The following FRY variants were observed in gnomAD, a reference collection of about 807,000 sequenced individuals.
FRY encodes protein furry homolog.
A neutral mutation model predicts 348.4 loss-of-function variants in FRY; 128 were observed. That is an observed-to-expected ratio of 0.37 (90% confidence interval 0.32 to 0.43). FRY has a LOEUF of 0.43. FRY is among the 20% of genes least tolerant of loss of function. The pLI, the probability that FRY is intolerant of heterozygous loss-of-function variation, is 1.00. For synonymous variants in FRY, 1,370 were observed against 1,374.7 expected (o/e 1.00, Z 0.08); for missense variants, 2,736 against 3,695.2 (o/e 0.74, Z 6.73).
intron 1 of FRY, among the ~76,000 whole-genome samples, chr13:32,071,179 T>C (rs1874632280): frequency 6.6e-6 from 1 of 152,234 alleles, no homozygotes; most frequent in African/African-American, 2.4e-5. Flanking sequence ...TGCTTAGGAT[T>C]GTCTCGGCTA....
chr13:32,241,599 T>G (rs1256804401), intron 46 of FRY, among the ~76,000 whole-genome samples: 3 of 152,216 alleles, frequency 2.0e-5, no homozygotes, highest in African/African-American at 7.2e-5. Flanking sequence ...CATAATAATG[T>G]GAATGTACTT....
chr13:32,197,600 A>G (rs1441307896), intron 29 of FRY, among the ~76,000 whole-genome samples: 5 of 152,218 alleles, frequency 3.3e-5, no homozygotes, highest in African/African-American at 4.8e-5. Flanking sequence ...GGCTGATGAT[A>G]GGGTTAGAGT....
intron 3 of FRY, among the ~76,000 whole-genome samples, chr13:32,112,797 A>G (rs1038993965): frequency 6.6e-6 from 1 of 152,236 alleles, no homozygotes; most frequent in African/African-American, 2.4e-5. Context: ...TCACACCTCT[A>G]TAACTGAGCT....
chr13:32,251,721 T>C (rs1887091801), intron 49 of FRY, among the ~76,000 whole-genome samples, 157 bp from the exon 50 acceptor site: 1 of 152,242 alleles, frequency 6.6e-6, no homozygotes, highest in African/African-American at 2.4e-5. Flanking sequence ...CAATTTTTAA[T>C]TGCTATTTGT....
At chr13:32,188,829 A>G (rs1883172139) in intron 28 of FRY, among the ~76,000 whole-genome samples, 1 of 152,114 alleles carries the variant, frequency 6.6e-6, no homozygotes, top group Non-Finnish European at 1.5e-5. Context: ...GAAAATTTTC[A>G]TTGAAAACTC....
intron 58 of FRY, among the ~76,000 whole-genome samples, chr13:32,285,137 T>A (rs1019997019): frequency 6.6e-5 from 10 of 152,052 alleles, no homozygotes; most frequent in African/African-American, 2.4e-4. Flanking sequence ...ACAAGGACAT[T>A]CCCACATGTT....
At chr13:32,294,331 C>T in intron 59 of FRY, 37 bp from the exon 60 acceptor site, 2 of 1,474,374 alleles carry the variant, frequency 1.4e-6, no homozygotes, top group Non-Finnish European at 1.9e-6. Flanking sequence ...TCCCCCAGCA[C>T]CTAAATATAG....
intron 14 of FRY, among the ~76,000 whole-genome samples, chr13:32,153,325 A>G (rs1374333237): frequency 6.6e-6 from 1 of 152,188 alleles, no homozygotes. Flanking sequence ...TGACTAAACA[A>G]ATTGTGAATC....
chr13:32,160,823 G>T (rs1415135237), intron 16 of FRY, among the ~76,000 whole-genome samples: 9 of 33,446 alleles, frequency 2.7e-4, no homozygotes, highest in Admixed American at 2.7e-3. Context: ...TCATGTGGAT[G>T]TACTTAGCCA....
chr13:32,244,004 G>A, intron 46 of FRY, 38 bp from the exon 47 acceptor site: 4 of 1,609,316 alleles, frequency 2.5e-6, no homozygotes, highest in African/African-American at 1.3e-5. Flanking sequence ...ACGGAGATCT[G>A]GTGTGTGACT....
intron 17 of FRY, among the ~76,000 whole-genome samples, chr13:32,165,066 G>A (rs533376000): frequency 1.2e-4 from 17 of 140,998 alleles, no homozygotes; most frequent in African/African-American, 3.3e-4. Flanking sequence ...TGTTAGGTAA[G>A]CTGGGCACAT....
intron 2 of FRY, among the ~76,000 whole-genome samples, chr13:32,091,857 G>A (rs997373269): frequency 1.3e-5 from 2 of 152,168 alleles, no homozygotes; most frequent in African/African-American, 2.4e-5. Flanking sequence ...AGTTAAGAAA[G>A]GGCCATAAGT....
chr13:32,210,876 T>C lies in FRY; in HGVS notation c.4433T>C (p.Val1478Ala). 1 of 1,613,884 alleles carries C rather than the reference T, an allele frequency of 6.2e-7. No homozygotes were observed. Among genetic ancestry groups the C allele is most frequent in the Non-Finnish European group, 8.5e-7 (1 of 1,179,780 alleles). Residue 1478 changes from valine to alanine, a missense_variant, in exon 34 of 61, where the codon GTG becomes GCG. Around this residue, in one of 9 missense-constraint regions of FRY, gnomAD observed 794 missense variants for 977.0 expected, o/e 0.81. Transcript: ENST00000542859. ...TTTTTTCCTTCTCAGATTAAAAAAG[T>C]GGCAATATACTTGTGCCGTAACAAC... ...DTVLLPYIKK[V>A]AIYLCRNNTI...
intron 56 of FRY, 144 bp downstream of exon 56, chr13:32,275,135 T>A (rs1025913119): frequency 4.3e-6 from 3 of 704,688 alleles, no homozygotes. Flanking sequence ...TCCCAGCACT[T>A]TGGGAGGCCG....
Position 32,202,499 on chromosome 13 carries a change from C to T in FRY, c.3990C>T (p.Tyr1330=). 6.2e-7 allele frequency: 1 copy of T among 1,613,804 alleles called. No homozygotes were observed. Among genetic ancestry groups the T allele is most frequent in the Non-Finnish European group, 8.5e-7 (1 of 1,179,762 alleles). The stretch of plus-strand genomic sequence containing the variant: ...TGTCATGTGAGCTGGCCAGGATGTA[C>T]CCTGAGCTCACACTCCCCCTCTTCT... The part of the protein sequence containing the change: ...ALLSCELARM[Y]PELTLPLFSE... The change falls in exon 31 of 61, where the codon TAC becomes TAT. Residue 1330 remains tyrosine (Y), a synonymous_variant. Transcript: ENST00000542859.
At chr13:32,182,011 A>G (rs1368444659) in intron 23 of FRY, among the ~76,000 whole-genome samples, 3 of 152,162 alleles carry the variant, frequency 2.0e-5, no homozygotes, top group South Asian at 2.1e-4. Context: ...CAGGAATAGA[A>G]CCCAGGCTTT....
chr13:32,231,628 T>G lies in FRY; in HGVS notation c.5527+328T>G, dbSNP rs530415551. ...TAAATCTCATTGACTCTCATCAGTC[T>G]CAACAATGAAAAATAGTCTGGTTAA... is the stretch of plus-strand genomic sequence containing the variant. On this transcript the variant is annotated intron_variant, in intron 41 of 60. Transcript: ENST00000542859. Among the ~76,000 whole-genome samples the G allele has an allele frequency of 9.2e-5, 14 of 152,350 alleles. No individual in the cohort carries two copies. The South Asian group carries it at 2.7e-3, about 29-fold the overall frequency.
rs557224471 is a variant in FRY at position 32,277,938 on chromosome 13, G to A, written c.8386-527G>A. The stretch of plus-strand genomic sequence containing the variant: ...AAGGTTCCCTTTCACACCTGTGTTA[G>A]TTACTACCCCAGATGCTTAAGACTA... On this transcript the variant is annotated intron_variant, in intron 57 of 60. Coordinates refer to ENST00000542859, the MANE Select transcript of FRY (RefSeq NM_023037.3). 9.2e-5 allele frequency among the ~76,000 whole-genome samples: 14 copies of A among 152,312 alleles called. No homozygotes were observed. The South Asian group carries it at 2.9e-3, about 32-fold the overall frequency.
intron 37 of FRY, among the ~76,000 whole-genome samples, chr13:32,224,648 G>A (rs1885486527): frequency 3.9e-5 from 6 of 152,166 alleles, no homozygotes. Flanking sequence ...TTTTTAGACT[G>A]TAAGCAACTT....
Sources: gnomAD v4.1 joint callset for allele counts (sites outside exome capture counted in the v4.1 genomes callset) on GRCh38, gnomAD v4.1.1 for gene constraint, gnomAD v4.1.1 regional missense constraint, MANE v1.5 for transcripts, NCBI Gene and HGNC (gene_info 2026-07-23, HGNC 2026-07-21) for gene names.